FUT9: variants seen among roughly 807,000 people sequenced by gnomAD.
FUT9 encodes the protein fucosyltransferase 9.
A neutral mutation model predicts 29.7 loss-of-function variants in FUT9; 15 were observed. The ratio of observed to expected loss-of-function variants is 0.51; its 90% CI spans 0.34 to 0.78. FUT9 has a LOEUF of 0.78. FUT9 is among the 30% of genes least tolerant of loss of function. FUT9 has a pLI of 0.01. For missense variants in FUT9, 319 were observed against 425.4 expected, an observed-to-expected ratio of 0.75 and a Z score of 2.20; for synonymous variants, 169 against 153.7, an observed-to-expected ratio of 1.10 and a Z score of -0.74.
chr6:96,095,908 C>CA (rs1771487037), intron 1 of FUT9, among the ~76,000 whole-genome samples: 1 of 152,098 alleles, frequency 6.6e-6, no homozygotes, highest in Non-Finnish European at 1.5e-5. Flanking sequence ...AGCAGTACCT[C>CA]AGTCATAGAA....
At chr6:96,093,269 T>C (rs531460628) in intron 1 of FUT9, among the ~76,000 whole-genome samples, 1 of 152,308 alleles carries the variant, frequency 6.6e-6, no homozygotes, top group South Asian at 2.1e-4. Flanking sequence ...TTTACTAAAT[T>C]GGTGAATGAA....
chr6:96,033,434 C>A (rs979273117), intron 1 of FUT9, among the ~76,000 whole-genome samples: 2 of 151,558 alleles, frequency 1.3e-5, no homozygotes, highest in Non-Finnish European at 1.5e-5. Flanking sequence ...TGGGGTACAG[C>A]AATCCACAGA....
intron 1 of FUT9, among the ~76,000 whole-genome samples, chr6:96,030,626 T>C (rs1770245418): frequency 6.6e-6 from 1 of 151,532 alleles, no homozygotes; most frequent in Admixed American, 6.6e-5. Context: ...AATTTCTAGG[T>C]ATTTACTCAA....
At chr6:96,079,033 C>T (rs1771191035) in intron 1 of FUT9, among the ~76,000 whole-genome samples, 1 of 152,126 alleles carries the variant, frequency 6.6e-6, no homozygotes, top group Admixed American at 6.6e-5. Context: ...ATTTTCAGAT[C>T]CTTGCTGCCT....
rs71012538 is a variant in FUT9, at chr6:96,118,204, CA to C, written c.-9+4096del. Among the ~76,000 whole-genome samples, 1,360 of 136,766 alleles carry C rather than the reference CA, an allele frequency of 9.9e-3. 17 individuals are homozygous for C. The highest frequency in any genetic ancestry group is 0.036 in the African/African-American group (1,285 of 35,680). The allele number at this position is 136,766 out of a possible 152,430, so 89.7% of individuals were successfully genotyped here. ...TGGGCAAGAGAGTAAGAGTCTGTCT[CA>C]AAAAAAAAAAAAAAAAAAGTCCTAC... On this transcript the variant is annotated intron_variant, in intron 2 of 2. Coordinates refer to ENST00000302103, the MANE Select transcript of FUT9 (RefSeq NM_006581.4).
chr6:96,039,614 A>C (rs570870361), intron 1 of FUT9, among the ~76,000 whole-genome samples: 5 of 151,968 alleles, frequency 3.3e-5, no homozygotes, highest in African/African-American at 1.2e-4. Context: ...CCTCCTCCTC[A>C]CAGGGGCTTC....
intron 1 of FUT9, among the ~76,000 whole-genome samples, chr6:96,077,163 G>A (rs1376173484): frequency 6.6e-6 from 1 of 152,000 alleles, no homozygotes; most frequent in Non-Finnish European, 1.5e-5. Context: ...ATTAATCAAT[G>A]CTATTGTTGT....
In FUT9 at chr6:96,198,047, T is replaced by G. The variant is rs1160502870; in HGVS notation, c.-8-5101T>G. Among the ~76,000 whole-genome samples the G allele has an allele frequency of 2.0e-5, 3 of 150,546 alleles. No homozygotes were observed. The East Asian group carries it at 5.9e-4, about 30-fold the overall frequency. ...GTATCTGTGGTTGGAGAATTACAAC[T>G]CTAATCTTTTTCTATTTCAAGTTAT... On this transcript the variant is annotated intron_variant, in intron 2 of 2. Coordinates refer to ENST00000302103, the MANE Select transcript of FUT9 (RefSeq NM_006581.4).
chr6:96,196,707 T>A (rs551463434), intron 2 of FUT9, among the ~76,000 whole-genome samples: 1 of 152,042 alleles, frequency 6.6e-6, no homozygotes, highest in Admixed American at 6.6e-5. Context: ...TGAGACTCCA[T>A]CTCAAAAAAA....
At chr6:96,144,702 T>C (rs1208667222) in intron 2 of FUT9, among the ~76,000 whole-genome samples, 1 of 152,132 alleles carries the variant, frequency 6.6e-6, no homozygotes, top group African/African-American at 2.4e-5. Flanking sequence ...TTATCAAACA[T>C]TGCATAGTTT....
chr6:96,124,837 T>A (rs1445479446), intron 2 of FUT9, among the ~76,000 whole-genome samples: 2 of 152,176 alleles, frequency 1.3e-5, no homozygotes, highest in African/African-American at 4.8e-5. Flanking sequence ...AAAAGATGTA[T>A]AATTTTTTAT....
intron 1 of FUT9, among the ~76,000 whole-genome samples, chr6:96,024,466 A>G (rs531840023): frequency 5.9e-4 from 89 of 151,738 alleles, no homozygotes; most frequent in Non-Finnish European, 1.1e-3. Flanking sequence ...TTGTCCAGCC[A>G]ATACTCTATA....
intron 2 of FUT9, among the ~76,000 whole-genome samples, chr6:96,182,311 C>T (rs1773324034): frequency 6.6e-6 from 1 of 151,872 alleles, no homozygotes; most frequent in Non-Finnish European, 1.5e-5. Flanking sequence ...ATCTTAGATT[C>T]TGTATATTTG....
At chr6:96,080,881 A>G (rs1771224333) in intron 1 of FUT9, among the ~76,000 whole-genome samples, 1 of 151,980 alleles carries the variant, frequency 6.6e-6, no homozygotes, top group Non-Finnish European at 1.5e-5. Flanking sequence ...CTCTTATTTC[A>G]TTGGTAAACA....
chr6:96,195,170 G>A (rs571036468), intron 2 of FUT9, among the ~76,000 whole-genome samples: 7 of 152,186 alleles, frequency 4.6e-5, no homozygotes, highest in African/African-American at 7.2e-5. Context: ...AGAAACAAAC[G>A]TCTGAGGCAA....
At chr6:96,165,774 C>G (rs1005018216) in intron 2 of FUT9, among the ~76,000 whole-genome samples, 1 of 151,980 alleles carries the variant, frequency 6.6e-6, no homozygotes, top group Non-Finnish European at 1.5e-5. Flanking sequence ...CACCACCATG[C>G]CTGGTTAATT....
chr6:96,138,537 G>A (rs1269595791), intron 2 of FUT9, among the ~76,000 whole-genome samples: 1 of 151,200 alleles, frequency 6.6e-6, no homozygotes, highest in Admixed American at 6.6e-5. Flanking sequence ...ATTAAAAATG[G>A]CACTTCTTCA....
chr6:96,175,071 G>T (rs991059436), intron 2 of FUT9, among the ~76,000 whole-genome samples: 5 of 152,044 alleles, frequency 3.3e-5, no homozygotes, highest in Admixed American at 1.3e-4. Context: ...TTAGGCATTA[G>T]CTAGATTGAA....
In FUT9 at chr6:96,097,537, T is replaced by C. The variant is rs1415806529; in HGVS notation, c.-97-16502T>C. Among the ~76,000 whole-genome samples the C allele has an allele frequency of 5.3e-5, 8 of 152,146 alleles. No homozygotes were observed. In the East Asian group the frequency reaches 5.8e-4, roughly 11 times the overall value. ...AGTAAAATGTATGAGGTAGATATTA[T>C]AGTCTGAGGCATCTTTTAGCATACA... On this transcript the variant is annotated intron_variant, in intron 1 of 2. Transcript: ENST00000302103.
Sources: allele counts gnomAD v4.1 joint callset (sites outside exome capture counted in the v4.1 genomes callset), GRCh38; gene constraint gnomAD v4.1.1; transcripts MANE v1.5; gene names NCBI Gene and HGNC (gene_info 2026-07-23, HGNC 2026-07-21).